Variants in ANGPTL2 observed in about 807,000 individuals in gnomAD.
ANGPTL2 encodes the protein angiopoietin like 2.
ANGPTL2 carries 25 observed loss-of-function variants against 52.8 expected under a neutral mutation model. The ratio of observed to expected loss-of-function variants is 0.47; its 90% CI spans 0.35 to 0.66. ANGPTL2 has a LOEUF of 0.66. Ranked by LOEUF, ANGPTL2 falls within the 30% of genes least tolerant of loss-of-function variation. The probability of loss-of-function intolerance (pLI) is 0.01; values close to 1 mark genes in which losing one functional copy is unlikely to be tolerated. For missense variants in ANGPTL2, 546 were observed against 656.9 expected (o/e 0.83, Z 1.84); for synonymous variants, 276 against 277.4 (o/e 1.00, Z 0.05).
At chr9:127,105,358 TGG>T (rs2054122771) in intron 2 of ANGPTL2, among the ~76,000 whole-genome samples, 1 of 152,180 alleles carries the variant, frequency 6.6e-6, no homozygotes, top group Non-Finnish European at 1.5e-5. Flanking sequence ...CAGCCCACAC[TGG>T]GTTGTGAACA....
At chr9:127,098,396 C>T (rs779105331) in intron 2 of ANGPTL2, among the ~76,000 whole-genome samples, 8 of 152,096 alleles carry the variant, frequency 5.3e-5, no homozygotes, top group South Asian at 2.1e-4. Flanking sequence ...GCGAGTGCTG[C>T]GACCTCATCT....
intron 1 of ANGPTL2, among the ~76,000 whole-genome samples, chr9:127,121,108 C>G (rs1024076744): frequency 6.6e-6 from 1 of 152,164 alleles, no homozygotes; most frequent in African/African-American, 2.4e-5. Context: ...AGTTTCCTCA[C>G]CTATAAAACA....
In ANGPTL2 at chr9:127,088,015, C is replaced by A. The variant is rs763874848; in HGVS notation, c.*924G>T. 6.6e-6 allele frequency: 1 copy of A among 152,548 alleles called. No individual in the cohort carries two copies. The highest frequency in any genetic ancestry group is 2.4e-5 in the African/African-American group (1 of 41,408). 9.4% of individuals were successfully genotyped at this position (152,548 alleles called of 1,614,324 possible). A position where few individuals can be genotyped will look rare whatever the true frequency, so the allele number is the denominator to read the frequency against. On this transcript the variant is annotated 3_prime_UTR_variant, in exon 5 of 5. Coordinates refer to ENST00000373425, the MANE Select transcript of ANGPTL2 (RefSeq NM_012098.3). Reference sequence around the variant, plus strand: ...CCTTCCCAACCAGAAACCTGGAGCCCGGAGTGTTTCCTACTCAGAAGCTGA... The same window carrying A: ...CCTTCCCAACCAGAAACCTGGAGCCAGGAGTGTTTCCTACTCAGAAGCTGA...
rs757050296 is a variant in ANGPTL2 at position 127,091,808 on chromosome 9, C to T, written c.1144G>A (p.Ala382Thr). ...WSGRKVFAEY[A>T]SFRLEPESEY... ...CTCTCAGGTTCCAGGCGGAAACTGG[C>T]GTATTCTGCAAAGACTTTGCGGCCG... Residue 382 changes from alanine to threonine, a missense_variant, in exon 4 of 5, where the codon GCC becomes ACC. By Grantham distance (58) the Ala-to-Thr change is moderately conservative. Transcript: ENST00000373425. The surrounding 1 kb of genome is among the most constrained non-coding windows in gnomAD (Gnocchi z 4.3). 6 of 1,614,154 alleles carry T rather than the reference C, an allele frequency of 3.7e-6. No homozygotes were observed. The highest frequency in any genetic ancestry group is 1.7e-4 in the Middle Eastern group (1 of 6,058).
At chr9:127,107,141 T>C (rs1043724338) in intron 2 of ANGPTL2, 4 of 152,200 alleles carry the variant, frequency 2.6e-5, no homozygotes, top group African/African-American at 9.6e-5. Context: ...AGATTTAAAG[T>C]GAAAAGACCT....
intron 2 of ANGPTL2, among the ~76,000 whole-genome samples, chr9:127,095,130 G>C (rs1236650586): frequency 6.6e-6 from 1 of 152,224 alleles, no homozygotes; most frequent in Non-Finnish European, 1.5e-5. Context: ...CGGGCACGGT[G>C]GCTCACGCCT....
intron 3 of ANGPTL2, 49 bp downstream of exon 3, chr9:127,093,684 T>TG: frequency 6.2e-7 from 1 of 1,601,314 alleles, no homozygotes; most frequent in Non-Finnish European, 8.5e-7. Context: ...TCTCTTGGGG[T>TG]GGGCCAGTCA....
In ANGPTL2 at chr9:127,087,376, G is replaced by A. The variant is rs118077884; in HGVS notation, c.*1563C>T. 1.6e-4 allele frequency: 25 copies of A among 152,608 alleles called. No homozygotes were observed. The East Asian group carries it at 4.6e-3, about 28-fold the overall frequency. 9.5% of individuals were successfully genotyped at this position (152,608 alleles called of 1,614,324 possible). A position where few individuals can be genotyped will look rare whatever the true frequency, so the allele number is the denominator to read the frequency against. On this transcript the variant is annotated 3_prime_UTR_variant, in exon 5 of 5. Transcript: ENST00000373425. ...CACTGATGGCTTTTATTGCAGATTC[G>A]TGTCATTACAAGGATAATCTGGGAA...
chr9:127,088,847 G>A lies in ANGPTL2; in HGVS notation c.*92C>T. 2 of 1,446,708 alleles carry A rather than the reference G, an allele frequency of 1.4e-6. No homozygotes were observed. The highest frequency in any genetic ancestry group is 1.2e-5 in the South Asian group (1 of 83,564). The allele number at this position is 1,446,708 out of a possible 1,614,324, so 89.6% of individuals were successfully genotyped here. A position where few individuals can be genotyped will look rare whatever the true frequency, so the allele number is the denominator to read the frequency against. ...ATCCCGGTCCTCCCAGCCTCAGGAT[G>A]AACTGGTGAGGAGTTGTTCTTTGTG... is the stretch of plus-strand genomic sequence containing the variant. On this transcript the variant is annotated 3_prime_UTR_variant, in exon 5 of 5. Transcript: ENST00000373425.
intron 4 of ANGPTL2, among the ~76,000 whole-genome samples, chr9:127,089,412 C>T (rs1351420240): frequency 1.3e-5 from 2 of 152,194 alleles, no homozygotes; most frequent in African/African-American, 2.4e-5. Context: ...AAAAATGACG[C>T]CTGCCGCACA....
intron 1 of ANGPTL2, among the ~76,000 whole-genome samples, chr9:127,113,458 C>G (rs1288316183): frequency 1.3e-5 from 2 of 151,726 alleles, no homozygotes; most frequent in African/African-American, 2.4e-5. Flanking sequence ...CTTTTGCTCT[C>G]TTGATATTTA....
chr9:127,118,095 A>G (rs901174291), intron 1 of ANGPTL2, among the ~76,000 whole-genome samples: 2 of 152,178 alleles, frequency 1.3e-5, no homozygotes, highest in Non-Finnish European at 2.9e-5. Flanking sequence ...TTGCTCTATC[A>G]CCAGACTGGA....
chr9:127,089,742 A>G (rs904046650), intron 4 of ANGPTL2, among the ~76,000 whole-genome samples: 1 of 152,376 alleles, frequency 6.6e-6, no homozygotes, highest in Middle Eastern at 3.4e-3. Flanking sequence ...GCATTATCAC[A>G]TCATGCTGAA....
chr9:127,108,156 G>T lies in ANGPTL2; in HGVS notation c.576C>A (p.Asn192Lys), dbSNP rs2054418339. 6.2e-7 allele frequency: 1 copy of T among 1,614,020 alleles called. No homozygotes were observed. The highest frequency in any genetic ancestry group is 8.5e-7 in the Non-Finnish European group (1 of 1,180,028). ...KYQHLATLAH[N>K]QSEIIAQLEE... ...CAAGCTGCGCGATGATCTCTGATTG[G>T]TTGTGGGCCAGTGTGGCCAGGTGCT... The change falls in exon 2 of 5, where the codon AAC becomes AAA. Residue 192 changes from asparagine (N) to lysine (K), a missense_variant. Asn to Lys is a moderately conservative substitution (Grantham distance 94). Around this residue, in one of 2 missense-constraint regions of ANGPTL2, gnomAD observed 285 missense variants for 295.8 expected, o/e 0.96. Transcript: ENST00000373425.
chr9:127,106,274 G>A (rs1424404144), intron 2 of ANGPTL2, among the ~76,000 whole-genome samples: 1 of 152,082 alleles, frequency 6.6e-6, no homozygotes, highest in Non-Finnish European at 1.5e-5. Context: ...TTACCCTCTC[G>A]GTATTCTATC....
At chr9:127,097,435 A>G (rs952714952) in intron 2 of ANGPTL2, among the ~76,000 whole-genome samples, 9 of 152,258 alleles carry the variant, frequency 5.9e-5, no homozygotes, top group Non-Finnish European at 1.2e-4. Flanking sequence ...AGCTTCCATC[A>G]AAAACACAAA....
intron 2 of ANGPTL2, among the ~76,000 whole-genome samples, chr9:127,105,191 G>A (rs192096954): frequency 6.6e-6 from 1 of 152,354 alleles, no homozygotes; most frequent in East Asian, 1.9e-4. Flanking sequence ...TAATGAGCAA[G>A]TACCAACATT....
intron 1 of ANGPTL2, among the ~76,000 whole-genome samples, chr9:127,110,524 A>G (rs1331124974): frequency 1.3e-5 from 2 of 152,132 alleles, no homozygotes; most frequent in Non-Finnish European, 2.9e-5. Context: ...TTACATCCGC[A>G]TTTATTTCTG....
chr9:127,094,280 G>A (rs910094026), intron 2 of ANGPTL2, among the ~76,000 whole-genome samples: 1 of 152,140 alleles, frequency 6.6e-6, no homozygotes, highest in Non-Finnish European at 1.5e-5. Context: ...TCATTTGGGG[G>A]AAGTTGCTGG....
Sources: gnomAD v4.1 joint callset for allele counts (sites outside exome capture counted in the v4.1 genomes callset) on GRCh38, gnomAD v4.1.1 for gene constraint, gnomAD v4.1.1 regional missense constraint, Gnocchi (gnomAD v3.1) non-coding constraint, MANE v1.5 for transcripts, NCBI Gene and HGNC (gene_info 2026-07-23, HGNC 2026-07-21) for gene names.